Variants in PPL observed in about 807,000 individuals in gnomAD.
PPL encodes 190 kDa paraneoplastic pemphigus antigen.
A neutral mutation model predicts 194.4 loss-of-function variants in PPL; 198 were observed. The observed-to-expected ratio is 1.02, with a 90% CI of 0.91 to 1.15. The LOEUF is 1.15. Among genes scored for constraint, PPL ranks in the 50% most tolerant of loss-of-function variants. The probability of loss-of-function intolerance (pLI) is 0.00; values close to 1 mark genes in which losing one functional copy is unlikely to be tolerated. For missense variants in PPL, 2,885 were observed against 2,294.8 expected, an observed-to-expected ratio of 1.26 and a Z score of -5.25; for synonymous variants, 1,220 against 972.4, an observed-to-expected ratio of 1.25 and a Z score of -4.74.
intron 2 of PPL, among the ~76,000 whole-genome samples, chr16:4,904,252 T>C (rs1012749334): frequency 2.0e-5 from 3 of 152,226 alleles, no homozygotes; most frequent in Admixed American, 6.5e-5. Flanking sequence ...AAGCAGGTAT[T>C]TCTCTTATGC....
At chr16:4,897,599 T>C (rs1230277580) in intron 9 of PPL, 76 bp downstream of exon 9, 2 of 1,187,384 alleles carry the variant, frequency 1.7e-6, no homozygotes, top group African/African-American at 1.5e-5. Flanking sequence ...AGGCCACACA[T>C]GAGCCAGGTA....
At chr16:4,917,524 A>C (rs960396260) in intron 1 of PPL, among the ~76,000 whole-genome samples, 2 of 152,208 alleles carry the variant, frequency 1.3e-5, no homozygotes, top group Admixed American at 6.5e-5. Context: ...AGTGATTGCT[A>C]AGGGGTATCA....
At chr16:4,901,337 G>A (rs1276901400) in intron 4 of PPL, among the ~76,000 whole-genome samples, 6 of 152,154 alleles carry the variant, frequency 3.9e-5, no homozygotes, top group Non-Finnish European at 8.8e-5. Flanking sequence ...CTCAGATGAG[G>A]ACACAGAGGC....
intron 1 of PPL, among the ~76,000 whole-genome samples, chr16:4,932,758 G>A (rs1157907058): frequency 6.6e-6 from 1 of 151,972 alleles, no homozygotes; most frequent in South Asian, 2.1e-4. Flanking sequence ...CCTAGTATTG[G>A]CTGCTATGAT....
chr16:4,890,079 G>C, intron 18 of PPL, 105 bp downstream of exon 18: 1 of 1,540,800 alleles, frequency 6.5e-7, no homozygotes. Context: ...GCAGGCCTCT[G>C]CCCTGCTCCA....
At chr16:4,888,802 C>G (rs1428734180) in intron 19 of PPL, 176 bp downstream of exon 19, 1 of 673,814 alleles carries the variant, frequency 1.5e-6, no homozygotes, top group Non-Finnish European at 2.7e-6. Context: ...CATTCCATGT[C>G]TAGTACCATG....
intron 1 of PPL, among the ~76,000 whole-genome samples, chr16:4,922,832 T>C (rs982925364): frequency 1.3e-5 from 2 of 152,212 alleles, no homozygotes; most frequent in Admixed American, 6.5e-5. Flanking sequence ...CCTGTGAATG[T>C]TGCCTTGCCG....
chr16:4,884,446 C>A lies in PPL; in HGVS notation c.4209G>T (p.Leu1403=). ...QRRRTELERQ[L]EELERERQAR... is the part of the protein sequence containing the mutation. Reference sequence around the variant, plus strand: ...CCTGCCGCTCGCGCTCTAGCTCCTCCAGCTGCCGCTCAAGCTCGGTGCGCC... The same window carrying A: ...CCTGCCGCTCGCGCTCTAGCTCCTCAAGCTGCCGCTCAAGCTCGGTGCGCC... Residue 1403 remains leucine (L), a synonymous_variant, in exon 22 of 22, where the codon CTG becomes CTT. Coordinates refer to ENST00000345988, the MANE Select transcript of PPL (RefSeq NM_002705.5). The surrounding 1 kb of genome is among the most constrained non-coding windows in gnomAD (Gnocchi z 5.7). 6.2e-7 allele frequency: 1 copy of A among 1,602,114 alleles called. No homozygotes were observed. The highest frequency in any genetic ancestry group is 1.1e-5 in the South Asian group (1 of 90,574).
chr16:4,895,201 C>T (rs1399955039), intron 11 of PPL, 60 bp downstream of exon 11: 18 of 1,512,504 alleles, frequency 1.2e-5, no homozygotes, highest in Non-Finnish European at 1.6e-5. Context: ...GGCCCGGGAT[C>T]CAACCATGTT....
intron 1 of PPL, among the ~76,000 whole-genome samples, chr16:4,920,297 A>G (rs1204981170): frequency 4.2e-5 from 6 of 142,242 alleles, no homozygotes; most frequent in African/African-American, 1.0e-4. Context: ...AAAGAAAGAA[A>G]GAAAGAAGGA....
rs761641061 is a variant in PPL at position 4,894,574 on chromosome 16, G to A, written c.1287C>T (p.Asn429=). The A allele has an allele frequency of 6.2e-6, 10 of 1,613,748 alleles. No homozygotes were observed. In the Middle Eastern group the frequency reaches 6.6e-4, roughly 106 times the overall value. The change falls in exon 12 of 22, where the codon AAC becomes AAT. Residue 429 remains asparagine (N), a synonymous_variant. Transcript: ENST00000345988. Reference sequence around the variant, plus strand: ...TGTCCATGAGCTCCCAGCTCTCCCCGTTGTTCTTCTGCAGGGTGTAGCTGT... The same window carrying A: ...TGTCCATGAGCTCCCAGCTCTCCCCATTGTTCTTCTGCAGGGTGTAGCTGT... ...RGYSYTLQKN[N]GESWELMDSA... is the part of the protein sequence containing the mutation.
chr16:4,885,003 C>T lies in PPL; in HGVS notation c.3652G>A (p.Ala1218Thr). 6.2e-7 allele frequency: 1 copy of T among 1,614,006 alleles called. No individual in the cohort carries two copies. The highest frequency in any genetic ancestry group is 1.7e-5 in the Admixed American group (1 of 60,026). Residue 1218 changes from alanine to threonine, a missense_variant, in exon 22 of 22, where the codon GCC becomes ACC. By Grantham distance (58) the Ala-to-Thr change is moderately conservative (BLOSUM62 0). Transcript: ENST00000345988. The surrounding 1 kb of genome is among the most constrained non-coding windows in gnomAD (Gnocchi z 6.3). Reference sequence around the variant, plus strand: ...ACCTGGGGGCCTCGCCTCCTGAGGGCCTCCAGCTCACTCTGGTAGCTCCGG... The same window carrying T: ...ACCTGGGGGCCTCGCCTCCTGAGGGTCTCCAGCTCACTCTGGTAGCTCCGG... ...QLRSYQSELE[A>T]LRRRGPQVEV...
chr16:4,890,028 G>A (rs1424611673), intron 18 of PPL, among the ~76,000 whole-genome samples, 156 bp downstream of exon 18: 1 of 152,270 alleles, frequency 6.6e-6, no homozygotes, highest in East Asian at 1.9e-4. Flanking sequence ...AGGGTTGGGT[G>A]TTGGGAGCTT....
chr16:4,892,337 C>T, intron 14 of PPL, 124 bp from the exon 15 acceptor site: 1 of 1,076,886 alleles, frequency 9.3e-7, no homozygotes, highest in Non-Finnish European at 1.3e-6. Flanking sequence ...AGGCCTGGCA[C>T]ATTCTGGGGC....
intron 1 of PPL, among the ~76,000 whole-genome samples, chr16:4,920,920 A>G (rs1389721406): frequency 2.0e-5 from 3 of 152,158 alleles, no homozygotes; most frequent in Non-Finnish European, 4.4e-5. Flanking sequence ...CATTGTTTAT[A>G]CAATTCGGGC....
intron 1 of PPL, among the ~76,000 whole-genome samples, chr16:4,934,656 C>G (rs899921694): frequency 6.6e-6 from 1 of 152,012 alleles, no homozygotes; most frequent in Admixed American, 6.6e-5. Context: ...TGGAGCGGGC[C>G]CCTGGAAAAC....
rs1412402143 is a variant in PPL, at chr16:4,890,844, G to A, written c.2046C>T (p.Cys682=). The stretch of plus-strand genomic sequence containing the variant: ...GGAAGCGGCTGGCCAGTGTGCTCGA[G>A]CACTGCTTGGCCGCCTGCAAGTTCT... ...VEQNLQAAKQ[C]SSTLASRFQE... is the part of the protein sequence containing the mutation. The change falls in exon 17 of 22, where the codon TGC becomes TGT. Residue 682 remains cysteine (C), a synonymous_variant. Transcript: ENST00000345988. The A allele has an allele frequency of 1.3e-6, 2 of 1,568,158 alleles. No individual in the cohort carries two copies. The highest frequency in any genetic ancestry group is 1.9e-5 in the Admixed American group (1 of 53,404).
chr16:4,915,893 C>G (rs938064881), intron 1 of PPL, among the ~76,000 whole-genome samples: 9 of 152,132 alleles, frequency 5.9e-5, no homozygotes, highest in Admixed American at 5.2e-4. Flanking sequence ...ATGGCAGAGC[C>G]AGGACTCTAG....
At chr16:4,896,028 G>C (rs2734741) in intron 9 of PPL, among the ~76,000 whole-genome samples, 20,770 of 152,250 alleles carry the variant, frequency 0.14, 1,673 homozygotes, top group East Asian at 0.27. Flanking sequence ...TCCTCTCTCT[G>C]TACTAGGAAC....
Sources: gnomAD v4.1 joint callset for allele counts (sites outside exome capture counted in the v4.1 genomes callset) on GRCh38, gnomAD v4.1.1 for gene constraint, Gnocchi (gnomAD v3.1) non-coding constraint, MANE v1.5 for transcripts, NCBI Gene and HGNC (gene_info 2026-07-23, HGNC 2026-07-21) for gene names.